Variants in RELT observed in about 807,000 individuals in gnomAD.
RELT encodes the protein tumor necrosis factor receptor superfamily member 19L.
RELT carries 37 observed loss-of-function variants against 51.1 expected under a neutral mutation model. The ratio of observed to expected loss-of-function variants is 0.72; its 90% CI spans 0.56 to 0.95. RELT has a LOEUF of 0.95. RELT is among the 40% of genes least tolerant of loss of function. The probability of loss-of-function intolerance (pLI) is 0.00; values close to 1 mark genes in which losing one functional copy is unlikely to be tolerated. For missense variants in RELT, 535 were observed against 572.6 expected (o/e 0.93, Z 0.67); for synonymous variants, 241 against 235.7 (o/e 1.02, Z -0.21).
Position 73,388,628 on chromosome 11 carries a change from C to T in RELT, c.-25-484C>T, listed in dbSNP as rs1480343367. On this transcript the variant is annotated intron_variant, in intron 1 of 10. Coordinates refer to ENST00000064780, the MANE Select transcript of RELT (RefSeq NM_152222.2). This position sits in a 1 kb window ranked among gnomAD's most constrained non-coding sequence, Gnocchi z 4.1. ...AAGGCCTTCCTTGGACCAGAACCAGCAGGAGTGAAGGCAGAGGCCGGGCAT... is the reference window on the plus strand; with the variant it reads ...AAGGCCTTCCTTGGACCAGAACCAGTAGGAGTGAAGGCAGAGGCCGGGCAT... Among the ~76,000 whole-genome samples, 1 of 152,222 alleles carries T rather than the reference C, an allele frequency of 6.6e-6. No homozygotes were observed. The highest frequency in any genetic ancestry group is 2.4e-5 in the African/African-American group (1 of 41,450).
chr11:73,394,666 G>A lies in RELT; in HGVS notation c.978G>A (p.Pro326=), dbSNP rs200042090. 9.9e-6 allele frequency: 16 copies of A among 1,613,696 alleles called. No homozygotes were observed. The East Asian group carries it at 1.1e-4, about 11-fold the overall frequency. ...TTPVPSLLPN[P]TRVPKAGAKA... The stretch of plus-strand genomic sequence containing the variant: ...CTGTTCCCAGCCTTCTGCCTAACCC[G>A]ACCAGGGTTCCCAAGGCCGGGGCCA... The change falls in exon 9 of 11, where the codon CCG becomes CCA. Residue 326 remains proline (P), a synonymous_variant. Coordinates refer to ENST00000064780, the MANE Select transcript of RELT (RefSeq NM_152222.2). This position sits in a 1 kb window ranked among gnomAD's most constrained non-coding sequence, Gnocchi z 4.9.
Position 73,395,168 on chromosome 11 carries a change from G to C in RELT, c.1128G>C (p.Ser376=). 1 of 1,613,430 alleles carries C rather than the reference G, an allele frequency of 6.2e-7. No homozygotes were observed. The highest frequency in any genetic ancestry group is 1.1e-5 in the South Asian group (1 of 91,088). The change falls in exon 10 of 11, where the codon TCG becomes TCC. Residue 376 remains serine (S), a synonymous_variant. Coordinates refer to ENST00000064780, the MANE Select transcript of RELT (RefSeq NM_152222.2). ...AGACCATCACGGAGGCTGGGCCCTC[G>C]TGGGGTGATCTCCCTGACTCCCCAC... The part of the protein sequence containing the change: ...EVKTITEAGP[S]WGDLPDSPQP...
chr11:73,385,505 G>A (rs546972428), intron 1 of RELT, among the ~76,000 whole-genome samples: 1 of 152,256 alleles, frequency 6.6e-6, no homozygotes, highest in South Asian at 2.1e-4. Context: ...AACCCTCCCC[G>A]CCTCGTGAGC....
At chr11:73,379,663 G>A (rs1385221066) in intron 1 of RELT, among the ~76,000 whole-genome samples, 1 of 152,178 alleles carries the variant, frequency 6.6e-6, no homozygotes, top group Non-Finnish European at 1.5e-5. Context: ...GCTGGAGGTT[G>A]GCCAGCACTG....
At chr11:73,389,065 C>T (rs1317819582) in intron 1 of RELT, 47 bp from the exon 2 acceptor site, 2 of 967,812 alleles carry the variant, frequency 2.1e-6, no homozygotes, top group African/African-American at 1.6e-5. Context: ...CAGCAGCTGC[C>T]TGCCTGTCCC....
At chr11:73,392,866 C>G in intron 6 of RELT, 3 of 1,114,158 alleles carry the variant, frequency 2.7e-6, no homozygotes, top group South Asian at 2.6e-5. Flanking sequence ...GGCAGGGCAG[C>G]TGTCCTGTCC....
chr11:73,395,958 A>G lies in RELT; in HGVS notation c.*467A>G. On this transcript the variant is annotated 3_prime_UTR_variant, in exon 11 of 11. Coordinates refer to ENST00000064780, the MANE Select transcript of RELT (RefSeq NM_152222.2). ...GGTCTATAAAGGGAAGGGGTAGCAGAAAGTCCTGGGCTAGGAGAGTGAGTC... is the reference window on the plus strand; with the variant it reads ...GGTCTATAAAGGGAAGGGGTAGCAGGAAGTCCTGGGCTAGGAGAGTGAGTC... The G allele has an allele frequency of 5.7e-6, 1 of 175,000 alleles. No homozygotes were observed. The highest frequency in any genetic ancestry group is 1.2e-5 in the Non-Finnish European group (1 of 81,090). The allele number at this position is 175,000 out of a possible 1,614,324, so 10.8% of individuals were successfully genotyped here.
intron 6 of RELT, chr11:73,393,541 G>A (rs976199064): frequency 2.0e-5 from 26 of 1,326,660 alleles, no homozygotes; most frequent in African/African-American, 1.9e-4. Context: ...CCCAGAAGAC[G>A]CTGACGCACC....
At chr11:73,390,314 T>C (rs1344166373) in intron 2 of RELT, among the ~76,000 whole-genome samples, 1 of 152,148 alleles carries the variant, frequency 6.6e-6, no homozygotes, top group African/African-American at 2.4e-5. Flanking sequence ...TCCAGCACTT[T>C]CCAGAGCCAG....
At position 73,395,726 on chromosome 11, in the gene RELT, T is replaced by G; in HGVS notation, c.*235T>G. 3.5e-6 allele frequency: 2 copies of G among 577,600 alleles called. No individual in the cohort carries two copies. The highest frequency in any genetic ancestry group is 2.1e-5 in the South Asian group (1 of 47,398). 35.8% of individuals were successfully genotyped at this position (577,600 alleles called of 1,614,324 possible). A position where few individuals can be genotyped will look rare whatever the true frequency, so the allele number is the denominator to read the frequency against. On this transcript the variant is annotated 3_prime_UTR_variant, in exon 11 of 11. Transcript: ENST00000064780. ...CCCGCCCCTGGCCCTGCTGCCATGT[T>G]GCTCCCCTGAAGGATGCCCCGACCC...
chr11:73,386,025 C>G (rs1866117992), intron 1 of RELT, among the ~76,000 whole-genome samples: 1 of 152,166 alleles, frequency 6.6e-6, no homozygotes, highest in African/African-American at 2.4e-5. Context: ...GACACTGTCT[C>G]AGAAAAAACA....
At position 73,395,625 on chromosome 11, in the gene RELT, G is replaced by A. The variant is rs1866306913; in HGVS notation, c.*134G>A. 4.2e-6 allele frequency: 3 copies of A among 719,780 alleles called. No individual in the cohort carries two copies. The African/African-American group carries it at 5.2e-5, about 12-fold the overall frequency. 44.6% of individuals were successfully genotyped at this position (719,780 alleles called of 1,614,324 possible). Reference sequence around the variant, plus strand: ...CAGCAGACGAGACAGCAAAGACCAAGGCCTGGAGGTGGGAGCGTCTGCCCC... The same window carrying A: ...CAGCAGACGAGACAGCAAAGACCAAAGCCTGGAGGTGGGAGCGTCTGCCCC... On this transcript the variant is annotated 3_prime_UTR_variant, in exon 11 of 11. Transcript: ENST00000064780.
chr11:73,383,511 C>A (rs1263930364), intron 1 of RELT, among the ~76,000 whole-genome samples: 9 of 152,244 alleles, frequency 5.9e-5, no homozygotes, highest in Admixed American at 5.9e-4. Context: ...TAGTAACAGA[C>A]CCTCAGTTGA....
chr11:73,392,013 C>T (rs573798603), intron 5 of RELT, 198 bp from the exon 6 acceptor site: 3 of 662,544 alleles, frequency 4.5e-6, no homozygotes, highest in Non-Finnish European at 7.7e-6. Flanking sequence ...AGGCCTTGTT[C>T]AGGACAATGC....
chr11:73,390,973 G>A (rs2134451022), intron 4 of RELT, 52 bp downstream of exon 4: 1 of 1,591,466 alleles, frequency 6.3e-7, no homozygotes, highest in African/African-American at 1.4e-5. Flanking sequence ...CCAGGACTCT[G>A]GATCCTGGGG....
Position 73,394,927 on chromosome 11 carries a change from C to G in RELT, c.1047-160C>G. On this transcript the variant is annotated intron_variant, in intron 9 of 10. Coordinates refer to ENST00000064780, the MANE Select transcript of RELT (RefSeq NM_152222.2). This position sits in a 1 kb window ranked among gnomAD's most constrained non-coding sequence, Gnocchi z 4.9. ...CGGTTATGTTGTGTCTCACATGGAGCCCTTGCATCCCTAGGGCAGCATCTT... is the reference window on the plus strand; with the variant it reads ...CGGTTATGTTGTGTCTCACATGGAGGCCTTGCATCCCTAGGGCAGCATCTT... 1 of 872,678 alleles carries G rather than the reference C, an allele frequency of 1.1e-6. No homozygotes were observed. The allele number at this position is 872,678 out of a possible 1,614,324, so 54.1% of individuals were successfully genotyped here. A position where few individuals can be genotyped will look rare whatever the true frequency, so the allele number is the denominator to read the frequency against.
At position 73,383,272 on chromosome 11, in the gene RELT, G is replaced by A. The variant is rs575991773; in HGVS notation, c.-25-5840G>A. On this transcript the variant is annotated intron_variant, in intron 1 of 10. Transcript: ENST00000064780. The stretch of plus-strand genomic sequence containing the variant: ...GCCTCTGCACATCTCTGAGCTTCCA[G>A]CAGCAGCCCTAGTAAGCTGGGGTTC... Among the ~76,000 whole-genome samples, 6 of 152,328 alleles carry A rather than the reference G, an allele frequency of 3.9e-5. No homozygotes were observed. The East Asian group carries it at 7.7e-4, about 20-fold the overall frequency.
At chr11:73,395,022 C>A in intron 9 of RELT, 65 bp from the exon 10 acceptor site, 1 of 1,402,638 alleles carries the variant, frequency 7.1e-7, no homozygotes, top group Non-Finnish European at 1.0e-6. Flanking sequence ...ACCCCGGGCA[C>A]GTGCTGCCTT....
At chr11:73,384,808 C>T (rs1002309109) in intron 1 of RELT, among the ~76,000 whole-genome samples, 4 of 152,130 alleles carry the variant, frequency 2.6e-5, no homozygotes, top group African/African-American at 9.7e-5. Flanking sequence ...GCAGGCAGCT[C>T]GTGGTGGGGA....
Sources: allele counts gnomAD v4.1 joint callset (sites outside exome capture counted in the v4.1 genomes callset), GRCh38; gene constraint gnomAD v4.1.1; non-coding constraint Gnocchi (gnomAD v3.1); transcripts MANE v1.5; gene names NCBI Gene and HGNC (gene_info 2026-07-23, HGNC 2026-07-21).